The following HK3 variants were observed in gnomAD, a reference collection of about 807,000 sequenced individuals.
HK3 encodes the protein hexokinase 3, also known as hexokinase-3.
A neutral mutation model predicts 91.0 loss-of-function variants in HK3; 93 were observed. The ratio of observed to expected loss-of-function variants is 1.02; its 90% CI spans 0.86 to 1.21. HK3 has a LOEUF of 1.21. Among genes scored for constraint, HK3 ranks in the 50% most tolerant of loss-of-function variants. The pLI is 0.00. For synonymous variants in HK3, 519 were observed against 516.9 expected (o/e 1.00, Z -0.06); for missense variants, 1,235 against 1,247.4 (o/e 0.99, Z 0.15).
intron 2 of HK3, among the ~76,000 whole-genome samples, chr5:176,894,145 C>A (rs574104238): frequency 6.6e-6 from 1 of 152,294 alleles, no homozygotes; most frequent in African/African-American, 2.4e-5. Flanking sequence ...GTCCTCAGAG[C>A]ACAAAGCACA....
rs191026186 is a variant in HK3 at position 176,890,304 on chromosome 5, G to A, written c.630+331C>T. Among the ~76,000 whole-genome samples, 13 of 152,302 alleles carry A rather than the reference G, an allele frequency of 8.5e-5. No homozygotes were observed. The East Asian group carries it at 1.2e-3, about 14-fold the overall frequency. ...CCGTAGTGCTCCCAGAGTTGTCCAC[G>A]CACTCCTCCTTGACACGGACAATCT... On this transcript the variant is annotated intron_variant, in intron 6 of 18. Coordinates refer to ENST00000292432, the MANE Select transcript of HK3 (RefSeq NM_002115.3).
At chr5:176,897,213 G>T (rs901299575) in intron 1 of HK3, among the ~76,000 whole-genome samples, 2 of 152,182 alleles carry the variant, frequency 1.3e-5, no homozygotes, top group Admixed American at 6.5e-5. Context: ...GAAAAGCTCA[G>T]TTCTTGTGAG....
chr5:176,890,810 A>G lies in HK3; in HGVS notation c.534+12T>C. ...ACCCTCTACCCAGCGTCCCATGTCC[A>G]CTCCACCTCACCCTGTCCAAGCCCG... is the stretch of plus-strand genomic sequence containing the variant. On this transcript the variant is annotated intron_variant, in intron 5 of 18. Transcript: ENST00000292432. The G allele has an allele frequency of 6.2e-7, 1 of 1,613,812 alleles. No homozygotes were observed. The highest frequency in any genetic ancestry group is 2.2e-5 in the East Asian group (1 of 44,862).
chr5:176,894,085 G>A (rs1054422460), intron 2 of HK3, among the ~76,000 whole-genome samples: 1 of 152,178 alleles, frequency 6.6e-6, no homozygotes. Context: ...AACCTGAAGT[G>A]GAGGAACAGT....
intron 1 of HK3, among the ~76,000 whole-genome samples, chr5:176,898,186 T>G (rs1164980189): frequency 6.6e-6 from 1 of 152,178 alleles, no homozygotes; most frequent in Non-Finnish European, 1.5e-5. Context: ...TAGCTCTGCT[T>G]CTAGTTTCTT....
intron 15 of HK3, among the ~76,000 whole-genome samples, chr5:176,882,428 A>T (rs1758462221): frequency 6.6e-6 from 1 of 152,182 alleles, no homozygotes; most frequent in African/African-American, 2.4e-5. Context: ...GAGACATGTG[A>T]CATCCCCCGC....
intron 2 of HK3, among the ~76,000 whole-genome samples, chr5:176,893,265 T>C (rs1758823511): frequency 6.6e-6 from 1 of 152,132 alleles, no homozygotes; most frequent in Admixed American, 6.6e-5. Context: ...TCTATGTCAA[T>C]GTGAAGCTTT....
intron 7 of HK3, 31 bp downstream of exon 7, chr5:176,889,614 C>T: frequency 4.3e-6 from 7 of 1,614,074 alleles, no homozygotes; most frequent in Non-Finnish European, 5.9e-6. Context: ...GCACACCCTC[C>T]ACCTGTCATC....
At chr5:176,883,725 A>C (rs1216444491) in intron 15 of HK3, 45 bp downstream of exon 15, 6 of 1,482,492 alleles carry the variant, frequency 4.0e-6, no homozygotes, top group African/African-American at 1.4e-5. Context: ...AGAAGGCAGC[A>C]AATTGCCAAG....
rs545190474 is a variant in HK3, at chr5:176,889,817, G to C, written c.631-73C>G. The C allele has an allele frequency of 1.7e-5, 22 of 1,297,496 alleles. No individual in the cohort carries two copies. The East Asian group carries it at 2.5e-4, about 15-fold the overall frequency. 80.4% of individuals were successfully genotyped at this position (1,297,496 alleles called of 1,614,324 possible). On this transcript the variant is annotated intron_variant, in intron 6 of 18. Coordinates refer to ENST00000292432, the MANE Select transcript of HK3 (RefSeq NM_002115.3). ...GGAGGGAATCCAGGGGATGGGCAGG[G>C]CTGGGGCCCTGGCTTTGAAGGAGAT...
chr5:176,887,355 C>T lies in HK3; in HGVS notation c.1601-18G>A, dbSNP rs1167082340. 6.2e-7 allele frequency: 1 copy of T among 1,613,858 alleles called. No homozygotes were observed. The highest frequency in any genetic ancestry group is 1.7e-5 in the Admixed American group (1 of 60,028). ...CCCTCGCTCTGTGGGGGCAGAGACC[C>T]TCAGTGCCGGGATAGGGCTTGTGGC... On this transcript the variant is annotated intron_variant, in intron 11 of 18. Transcript: ENST00000292432. This position sits in a 1 kb window ranked among gnomAD's most constrained non-coding sequence, Gnocchi z 4.9.
chr5:176,890,796 A>C (rs1758744377), intron 5 of HK3, 26 bp downstream of exon 5: 2 of 1,614,034 alleles, frequency 1.2e-6, no homozygotes, highest in Non-Finnish European at 1.7e-6. Context: ...CCCTCTACCC[A>C]GCGTCCCATG....
At position 176,891,435 on chromosome 5, in the gene HK3, G is replaced by T. The variant is rs149461815; in HGVS notation, c.212C>A (p.Ala71Glu). 84 of 1,613,940 alleles carry T rather than the reference G, an allele frequency of 5.2e-5. No individual in the cohort carries two copies. In the African/African-American group the frequency reaches 1.1e-3, roughly 20 times the overall value. Residue 71 changes from alanine to glutamate, a missense_variant, in exon 3 of 19, where the codon GCG becomes GAG. Physicochemically the swap from Ala to Glu is moderately radical, Grantham distance 107 (BLOSUM62 -1). Around this residue, in one of 3 missense-constraint regions of HK3, gnomAD observed 717 missense variants for 751.6 expected, o/e 0.95. Coordinates refer to ENST00000292432, the MANE Select transcript of HK3 (RefSeq NM_002115.3). ...CACGTATGTAGGCAGCATCCGGACC[G>T]CAGGGGCAGGGCTGGCCTGTCCCCT... ...ALRGQASPAP[A>E]VRMLPTYVGS...
At position 176,891,173 on chromosome 5, in the gene HK3, A is replaced by G; in HGVS notation, c.278T>C (p.Val93Ala). The G allele has an allele frequency of 6.2e-7, 1 of 1,614,146 alleles. No homozygotes were observed. Among genetic ancestry groups the G allele is most frequent in the Non-Finnish European group, 8.5e-7 (1 of 1,180,032 alleles). The change falls in exon 4 of 19, where the codon GTG (valine) becomes GCG (alanine). Residue 93 changes from valine (V) to alanine (A), a missense_variant. Val to Ala is a moderately conservative substitution (Grantham distance 64). Around this residue, in one of 3 missense-constraint regions of HK3, gnomAD observed 717 missense variants for 751.6 expected, o/e 0.95. Coordinates refer to ENST00000292432, the MANE Select transcript of HK3 (RefSeq NM_002115.3). Reference protein sequence around the residue: ...PHGTEQGDFVVLELGATGASL... With the variant: ...PHGTEQGDFVALELGATGASL... The stretch of plus-strand genomic sequence containing the variant: ...GGCCCCTGTGGCCCCCAGCTCCAGC[A>G]CCACGAAGTCTCCTTGCTCTGGAGG...
intron 6 of HK3, 137 bp from the exon 7 acceptor site, chr5:176,889,881 C>T (rs1246867408): frequency 2.9e-6 from 2 of 690,686 alleles, no homozygotes; most frequent in South Asian, 1.7e-5. Flanking sequence ...ATGCCACACA[C>T]ATTTGTGCCA....
In HK3 at chr5:176,888,404, T is replaced by A; in HGVS notation, c.1232A>T (p.Gln411Leu). The A allele has an allele frequency of 6.4e-7, 1 of 1,563,410 alleles. No individual in the cohort carries two copies. Among genetic ancestry groups the A allele is most frequent in the Non-Finnish European group, 8.7e-7 (1 of 1,153,184 alleles). ...AALAAVLSCL[Q>L]HSREQQTLQV... ...GAGTGTTTGTTGCTCCCGGCTGTGC[T>A]GGAGGCAGGAGAGAACAGCGGCCAG... Residue 411 changes from glutamine (Q) to leucine (L), a missense_variant, in exon 10 of 19, where the codon CAG becomes CTG. This residue lies in a region of HK3 where 717 missense variants were observed against 751.6 expected (regional missense o/e 0.95). Coordinates refer to ENST00000292432, the MANE Select transcript of HK3 (RefSeq NM_002115.3).
chr5:176,897,868 C>G (rs1758944567), intron 1 of HK3, among the ~76,000 whole-genome samples: 1 of 152,208 alleles, frequency 6.6e-6, no homozygotes, highest in South Asian at 2.1e-4. Flanking sequence ...ATCCTAAATC[C>G]CAGTGGTCTG....
chr5:176,896,051 G>C lies in HK3; in HGVS notation c.96+13C>G, dbSNP rs371156200. 8.1e-5 allele frequency: 130 copies of C among 1,609,748 alleles called. No individual in the cohort carries two copies. Among genetic ancestry groups the C allele is most frequent in the Non-Finnish European group, 9.9e-5 (116 of 1,176,176 alleles). Reference sequence around the variant, plus strand: ...TAGACAAGCATGAAACAGGAACCCAGTGCTGAACTTACCAGCTCTGAGCTG... The same window carrying C: ...TAGACAAGCATGAAACAGGAACCCACTGCTGAACTTACCAGCTCTGAGCTG... On this transcript the variant is annotated intron_variant, in intron 2 of 18. Coordinates refer to ENST00000292432, the MANE Select transcript of HK3 (RefSeq NM_002115.3).
At chr5:176,891,254 T>TC in intron 3 of HK3, 63 bp from the exon 4 acceptor site, 1 of 1,612,982 alleles carries the variant, frequency 6.2e-7, no homozygotes. Context: ...TCTGCCCACT[T>TC]CCCAAATTCC....
Sources: gnomAD v4.1 joint callset for allele counts (sites outside exome capture counted in the v4.1 genomes callset) on GRCh38, gnomAD v4.1.1 for gene constraint, gnomAD v4.1.1 regional missense constraint, Gnocchi (gnomAD v3.1) non-coding constraint, MANE v1.5 for transcripts, NCBI Gene and HGNC (gene_info 2026-07-23, HGNC 2026-07-21) for gene names.